Variants in SNX29 observed in about 807,000 individuals in gnomAD.
The protein encoded by SNX29 is sorting nexin 29.
Under a neutral mutation model 102.1 loss-of-function variants are expected in SNX29, and 78 were observed. The ratio of observed to expected loss-of-function variants is 0.76; its 90% CI spans 0.64 to 0.92. SNX29 has a LOEUF of 0.92. Among genes scored for constraint, SNX29 ranks in the 40% least tolerant of loss-of-function variants. The pLI is 0.00. For synonymous variants in SNX29, 580 were observed against 414.5 expected (o/e 1.40, Z -4.85); for missense variants, 1,280 against 1,061.7 (o/e 1.21, Z -2.86).
At chr16:12,083,407 T>C (rs1203647792) in intron 11 of SNX29, among the ~76,000 whole-genome samples, 1 of 152,070 alleles carries the variant, frequency 6.6e-6, no homozygotes, top group African/African-American at 2.4e-5. Context: ...AAGGCCTCTT[T>C]CCTTGGCTTG....
rs66491414 is a variant in SNX29, at chr16:12,013,500, AATATATATATATATAT to A, written c.122+10484_122+10499del. 9.5e-3 allele frequency among the ~76,000 whole-genome samples: 299 copies of A among 31,632 alleles called. 30 individuals carry two copies. Among genetic ancestry groups the A allele is most frequent in the African/African-American group, 0.027 (271 of 10,210 alleles). The allele number at this position is 31,632 out of a possible 152,430, so 20.8% of individuals were successfully genotyped here. ...GTCTCTACTGGGGGAAAAAAAAAAAAATATATATATATATATATATATATATATATATATATATATA... is the reference window on the plus strand; with the variant it reads ...GTCTCTACTGGGGGAAAAAAAAAAAAATATATATATATATATATATATATA... On this transcript the variant is annotated intron_variant, in intron 3 of 20. Coordinates refer to ENST00000566228, the MANE Select transcript of SNX29 (RefSeq NM_032167.5).
intron 9 of SNX29, among the ~76,000 whole-genome samples, chr16:12,068,261 G>C (rs1172661170): frequency 6.6e-6 from 1 of 151,980 alleles, no homozygotes; most frequent in Non-Finnish European, 1.5e-5. Context: ...AGGATTGCTT[G>C]AGCCCAGGAG....
At chr16:12,547,327 G>A (rs985416938) in intron 20 of SNX29, among the ~76,000 whole-genome samples, 3 of 152,184 alleles carry the variant, frequency 2.0e-5, no homozygotes, top group African/African-American at 7.2e-5. Context: ...GAACAGAGAG[G>A]CCTTGCAGCC....
chr16:12,480,209 C>A (rs77476387), intron 19 of SNX29, among the ~76,000 whole-genome samples: 1 of 152,284 alleles, frequency 6.6e-6, no homozygotes, highest in African/African-American at 2.4e-5. Context: ...TCTTACAATT[C>A]GAGAGGTCAG....
chr16:12,316,585 C>G (rs951383270), intron 15 of SNX29, among the ~76,000 whole-genome samples: 2 of 152,154 alleles, frequency 1.3e-5, no homozygotes, highest in Non-Finnish European at 2.9e-5. Context: ...AAATCGGGAT[C>G]TTGCTCTCTC....
intron 18 of SNX29, among the ~76,000 whole-genome samples, chr16:12,431,090 G>T (rs558172700): frequency 6.6e-6 from 1 of 152,326 alleles, no homozygotes; most frequent in Non-Finnish European, 1.5e-5. Context: ...GATCTCAGGT[G>T]ATCCACCCAC....
intron 20 of SNX29, among the ~76,000 whole-genome samples, chr16:12,553,012 G>T (rs561692435): frequency 6.6e-6 from 1 of 152,354 alleles, no homozygotes; most frequent in East Asian, 1.9e-4. Flanking sequence ...AGGAGAGTGG[G>T]ATTAGATCAG....
chr16:12,021,064 G>A (rs2057005580), intron 3 of SNX29, among the ~76,000 whole-genome samples: 1 of 152,320 alleles, frequency 6.6e-6, no homozygotes, highest in East Asian at 1.9e-4. Context: ...TTTTACAAAT[G>A]ACGATAATCC....
intron 10 of SNX29, among the ~76,000 whole-genome samples, chr16:12,074,394 G>A (rs1363982415): frequency 1.3e-5 from 2 of 152,002 alleles, no homozygotes; most frequent in Admixed American, 6.6e-5. Flanking sequence ...GCATTTGCTT[G>A]TCTGTAAAGT....
At chr16:12,568,304 T>TGAAAAAAAAAA in intron 20 of SNX29, among the ~76,000 whole-genome samples, 1 of 146,418 alleles carries the variant, frequency 6.8e-6, no homozygotes, top group East Asian at 2.0e-4. Flanking sequence ...GGAGTGCTGT[T>TGAAAAAAAAAA]AAAAAAAAAA....
At chr16:12,538,830 A>G (rs979091601) in intron 20 of SNX29, among the ~76,000 whole-genome samples, 24 of 152,200 alleles carry the variant, frequency 1.6e-4, no homozygotes, top group African/African-American at 5.5e-4. Context: ...AGGGCACTGC[A>G]AAGTCACGTG....
At chr16:12,445,929 G>T (rs1019610725) in intron 18 of SNX29, among the ~76,000 whole-genome samples, 1 of 152,138 alleles carries the variant, frequency 6.6e-6, no homozygotes, top group African/African-American at 2.4e-5. Context: ...TAGTAAATGT[G>T]TGTGAAAAGG....
chr16:12,521,759 C>T (rs1009824409), intron 19 of SNX29, among the ~76,000 whole-genome samples: 3 of 152,174 alleles, frequency 2.0e-5, no homozygotes, highest in Admixed American at 6.5e-5. Context: ...TGTTTAATGG[C>T]GGGTTGAAAC....
intron 15 of SNX29, among the ~76,000 whole-genome samples, chr16:12,291,196 C>T (rs186971313): frequency 1.1e-3 from 168 of 152,146 alleles, no homozygotes; most frequent in Non-Finnish European, 2.1e-3. Context: ...TCCATTGTCA[C>T]GGTGCTGATA....
chr16:12,329,002 T>A (rs1199309886), intron 15 of SNX29, among the ~76,000 whole-genome samples: 1 of 152,076 alleles, frequency 6.6e-6, no homozygotes, highest in African/African-American at 2.4e-5. Context: ...CCAGGCATGA[T>A]GGCTCACACC....
intron 19 of SNX29, among the ~76,000 whole-genome samples, chr16:12,515,782 A>C (rs536291138): frequency 6.6e-6 from 1 of 152,236 alleles, no homozygotes; most frequent in Non-Finnish European, 1.5e-5. Context: ...TGCCTTGGAC[A>C]TATGCAGGCA....
intron 14 of SNX29, among the ~76,000 whole-genome samples, chr16:12,202,946 G>T (rs1701115): frequency 0.87 from 132,468 of 151,898 alleles, 60,655 homozygotes; most frequent in East Asian, 1. Flanking sequence ...CTGGTGGCGT[G>T]GGAGGTGACA....
At chr16:12,211,005 A>G (rs2077169783) in intron 14 of SNX29, among the ~76,000 whole-genome samples, 1 of 152,178 alleles carries the variant, frequency 6.6e-6, no homozygotes, top group Non-Finnish European at 1.5e-5. Flanking sequence ...TTCCCAGCAC[A>G]GCCTTTAGTG....
At chr16:12,116,531 G>A (rs976266650) in intron 11 of SNX29, among the ~76,000 whole-genome samples, 4 of 152,126 alleles carry the variant, frequency 2.6e-5, no homozygotes, top group Admixed American at 6.6e-5. Context: ...AAAATTAGCC[G>A]GGTGTGGTGG....
Sources: gnomAD v4.1 joint callset for allele counts (sites outside exome capture counted in the v4.1 genomes callset) on GRCh38, gnomAD v4.1.1 for gene constraint, MANE v1.5 for transcripts, NCBI Gene and HGNC (gene_info 2026-07-23, HGNC 2026-07-21) for gene names.